SMARCC1: variants seen among roughly 807,000 people sequenced by gnomAD.
SMARCC1 encodes SWI/SNF related BAF chromatin remodeling complex subunit C1.
A neutral mutation model predicts 147.4 loss-of-function variants in SMARCC1; 43 were observed. The observed-to-expected ratio is 0.29, with a 90% CI of 0.23 to 0.38. The LOEUF (loss-of-function observed/expected upper bound fraction) is 0.38, where lower values mean the gene tolerates loss of function less well. Ranked by LOEUF, SMARCC1 falls within the 10% of genes least tolerant of loss-of-function variation. The pLI, the probability that SMARCC1 is intolerant of heterozygous loss-of-function variation, is 1.00. For missense variants in SMARCC1, 1,119 were observed against 1,381.1 expected, an observed-to-expected ratio of 0.81 and a Z score of 3.01; for synonymous variants, 495 against 484.4, an observed-to-expected ratio of 1.02 and a Z score of -0.29.
chr3:47,715,043 A>G (rs1048583839), intron 7 of SMARCC1, among the ~76,000 whole-genome samples: 9 of 152,060 alleles, frequency 5.9e-5, no homozygotes, highest in African/African-American at 2.2e-4. Flanking sequence ...GATAGTCCTT[A>G]TATTCACCAG....
chr3:47,609,757 T>C (rs1288725949), intron 26 of SMARCC1, among the ~76,000 whole-genome samples: 1 of 152,198 alleles, frequency 6.6e-6, no homozygotes, highest in East Asian at 1.9e-4. Context: ...TGTATTTATC[T>C]TTGAAAATGT....
intron 2 of SMARCC1, among the ~76,000 whole-genome samples, chr3:47,749,604 C>T (rs1327688079): frequency 5.4e-5 from 8 of 147,312 alleles, no homozygotes; most frequent in African/African-American, 7.4e-5. Context: ...GAAGTTGAGG[C>T]TACAGTGAGC....
chr3:47,600,937 C>G (rs1298664116), intron 26 of SMARCC1, among the ~76,000 whole-genome samples: 1 of 141,582 alleles, frequency 7.1e-6, no homozygotes, highest in African/African-American at 2.6e-5. Context: ...GGATGTATGT[C>G]TTTTCCATTA....
At chr3:47,663,902 C>T in intron 19 of SMARCC1, 1 of 1,473,976 alleles carries the variant, frequency 6.8e-7, no homozygotes, top group Non-Finnish European at 9.5e-7. Flanking sequence ...CTTGCTGGGT[C>T]TAGCTGTCAC....
At chr3:47,711,898 GA>G (rs1051870650) in intron 8 of SMARCC1, among the ~76,000 whole-genome samples, 6 of 152,162 alleles carry the variant, frequency 3.9e-5, no homozygotes, top group African/African-American at 1.4e-4. Flanking sequence ...CAAATTATGG[GA>G]AGAGTGTATA....
intron 5 of SMARCC1, among the ~76,000 whole-genome samples, chr3:47,729,325 T>G (rs965591438): frequency 1.3e-5 from 2 of 152,214 alleles, no homozygotes; most frequent in African/African-American, 4.8e-5. Flanking sequence ...GAGCACCTAT[T>G]AGCTAGTTCT....
intron 8 of SMARCC1, 126 bp downstream of exon 8, chr3:47,714,289 G>A (rs1169639654): frequency 1.3e-5 from 8 of 635,118 alleles, no homozygotes; most frequent in South Asian, 1.1e-4. Flanking sequence ...ACTTGAACCC[G>A]GAGGCGGAGG....
At chr3:47,684,641 C>T (rs995282044) in intron 14 of SMARCC1, among the ~76,000 whole-genome samples, 1 of 152,036 alleles carries the variant, frequency 6.6e-6, no homozygotes, top group East Asian at 1.9e-4. Context: ...CGGGGTTTCA[C>T]CAGGTTGGCC....
chr3:47,642,772 G>A (rs546759396), intron 21 of SMARCC1, among the ~76,000 whole-genome samples: 136 of 152,288 alleles, frequency 8.9e-4, no homozygotes, highest in Non-Finnish European at 1.7e-3. Flanking sequence ...CAGGCCACGT[G>A]TGGTGGCTCA....
chr3:47,603,335 T>C (rs1037642455), intron 26 of SMARCC1: 5 of 151,954 alleles, frequency 3.3e-5, no homozygotes, highest in Non-Finnish European at 7.3e-5. Flanking sequence ...GGCAGGAGAA[T>C]TGCTTTAACC....
In SMARCC1 at chr3:47,781,727, G is replaced by C. The variant is rs539360692; in HGVS notation, c.71C>G (p.Ala24Gly). The stretch of plus-strand genomic sequence containing the variant: ...TCGATAAACAGCTAGGCCTGCGGCT[G>C]CCGCCGCAATCCCCGAGCCCGTGGC... Reference protein sequence around the residue: ...VGATGSGIAAAAAGLAVYRRK... With the variant: ...VGATGSGIAAGAAGLAVYRRK... Residue 24 changes from alanine (A) to glycine (G), a missense_variant, in exon 1 of 28, where the codon GCA becomes GGA. Ala to Gly is a moderately conservative substitution (Grantham distance 60, BLOSUM62 0). Transcript: ENST00000254480. The C allele has an allele frequency of 6.4e-7, 1 of 1,551,884 alleles. No homozygotes were observed. Among genetic ancestry groups the C allele is most frequent in the South Asian group, 1.2e-5 (1 of 85,262 alleles).
At chr3:47,664,014 C>G (rs896997610) in intron 19 of SMARCC1, 1 of 753,502 alleles carries the variant, frequency 1.3e-6, no homozygotes, top group East Asian at 2.8e-5. Context: ...ATGGGACTTA[C>G]TCCCTCCTCT....
chr3:47,672,188 A>C (rs2033510098), intron 18 of SMARCC1, among the ~76,000 whole-genome samples: 1 of 152,172 alleles, frequency 6.6e-6, no homozygotes, highest in Non-Finnish European at 1.5e-5. Flanking sequence ...ATAACGCAGA[A>C]TATACAGCTC....
intron 6 of SMARCC1, among the ~76,000 whole-genome samples, chr3:47,723,355 G>GTTTTTT (rs71070218): frequency 1.0e-4 from 11 of 106,674 alleles, no homozygotes; most frequent in East Asian, 2.7e-4. Flanking sequence ...TTTTTGTTGG[G>GTTTTTT]TTTTTTTTTT....
At chr3:47,602,596 C>G (rs2032406255) in intron 26 of SMARCC1, among the ~76,000 whole-genome samples, 1 of 152,220 alleles carries the variant, frequency 6.6e-6, no homozygotes, top group Admixed American at 6.5e-5. Flanking sequence ...TCATTTCCAG[C>G]CCATTCTAGT....
intron 26 of SMARCC1, among the ~76,000 whole-genome samples, chr3:47,591,150 A>C (rs1444890336): frequency 6.6e-6 from 1 of 152,156 alleles, no homozygotes. Flanking sequence ...TGAGCAGTAG[A>C]TTGTCAAATG....
intron 24 of SMARCC1, among the ~76,000 whole-genome samples, chr3:47,627,788 A>G (rs1244864293): frequency 6.6e-6 from 1 of 152,150 alleles, no homozygotes; most frequent in Non-Finnish European, 1.5e-5. Flanking sequence ...CAGTGAGATC[A>G]CAGCTCACGG....
At chr3:47,656,205 C>G (rs1294920583) in intron 21 of SMARCC1, among the ~76,000 whole-genome samples, 1 of 151,684 alleles carries the variant, frequency 6.6e-6, no homozygotes, top group African/African-American at 2.4e-5. Context: ...AGGAAGACTC[C>G]ATTTCAAAAA....
chr3:47,635,846 T>C (rs2032962003), intron 23 of SMARCC1, among the ~76,000 whole-genome samples, 176 bp downstream of exon 23: 1 of 152,224 alleles, frequency 6.6e-6, no homozygotes, highest in Admixed American at 6.5e-5. Context: ...GAAAAAAGTG[T>C]AGCCACCAGC....
Sources: gnomAD v4.1 joint callset for allele counts (sites outside exome capture counted in the v4.1 genomes callset) on GRCh38, gnomAD v4.1.1 for gene constraint, MANE v1.5 for transcripts, NCBI Gene and HGNC (gene_info 2026-07-23, HGNC 2026-07-21) for gene names.